Variants in ZNF346 observed in about 807,000 individuals in gnomAD.
ZNF346 encodes double-stranded RNA-binding zinc finger protein JAZ.
A neutral mutation model predicts 33.7 loss-of-function variants in ZNF346; 23 were observed. The ratio of observed to expected loss-of-function variants is 0.68; its 90% CI spans 0.49 to 0.97. ZNF346 has a LOEUF of 0.97. Among genes scored for constraint, ZNF346 ranks in the 50% least tolerant of loss-of-function variants. ZNF346 has a pLI of 0.00. For missense variants in ZNF346, 340 were observed against 371.1 expected, an observed-to-expected ratio of 0.92 and a Z score of 0.69; for synonymous variants, 134 against 142.4, an observed-to-expected ratio of 0.94 and a Z score of 0.42.
intron 1 of ZNF346, among the ~76,000 whole-genome samples, chr5:177,026,727 A>C (rs1776837325): frequency 6.6e-6 from 1 of 152,198 alleles, no homozygotes; most frequent in African/African-American, 2.4e-5. Flanking sequence ...TAACACACAA[A>C]ATATGATTTG....
intron 3 of ZNF346, 87 bp downstream of exon 3, chr5:177,041,957 C>A: frequency 1.3e-6 from 1 of 785,922 alleles, no homozygotes; most frequent in Non-Finnish European, 2.1e-6. Context: ...ACTGTCTTGG[C>A]TTCAAATCCT....
At chr5:177,031,140 A>G (rs1272232742) in intron 1 of ZNF346, among the ~76,000 whole-genome samples, 2 of 152,054 alleles carry the variant, frequency 1.3e-5, no homozygotes, top group African/African-American at 4.8e-5. Flanking sequence ...GGTTCACGCC[A>G]TTCTCCTGCC....
chr5:177,064,521 A>C lies in ZNF346; in HGVS notation c.807A>C (p.Lys269Asn). 1 of 1,614,188 alleles carries C rather than the reference A, an allele frequency of 6.2e-7. No homozygotes were observed. Among genetic ancestry groups the C allele is most frequent in the African/African-American group, 1.3e-5 (1 of 75,066 alleles). Residue 269 changes from lysine (K) to asparagine (N), a missense_variant, in exon 7 of 7, where the codon AAA becomes AAC. Lys to Asn is a moderately conservative substitution (Grantham distance 94, BLOSUM62 0). Coordinates refer to ENST00000358149, the MANE Select transcript of ZNF346 (RefSeq NM_012279.4). Reference protein sequence around the residue: ...SGFKHKNQSPKTVASSLGQIP... With the variant: ...SGFKHKNQSPNTVASSLGQIP... ...TCCTTCTCAAATACAGGTCACCAAAAACAGTGGCATCATCCCTGGGCCAGA... is the reference window on the plus strand; with the variant it reads ...TCCTTCTCAAATACAGGTCACCAAACACAGTGGCATCATCCCTGGGCCAGA...
chr5:177,027,148 G>A (rs1313915278), intron 1 of ZNF346, among the ~76,000 whole-genome samples: 1 of 151,668 alleles, frequency 6.6e-6, no homozygotes, highest in African/African-American at 2.4e-5. Context: ...TGCCTCCCGG[G>A]TTCAAGCGAT....
chr5:177,061,235 A>G (rs1276265408), intron 5 of ZNF346, among the ~76,000 whole-genome samples: 3 of 152,126 alleles, frequency 2.0e-5, no homozygotes. Flanking sequence ...TCATGAGGTC[A>G]AGAGAGAGAG....
intron 5 of ZNF346, among the ~76,000 whole-genome samples, chr5:177,054,023 C>T (rs1390705916): frequency 2.0e-5 from 3 of 151,896 alleles, no homozygotes; most frequent in African/African-American, 7.3e-5. Context: ...TTTCATCATG[C>T]TACTCAGAAT....
chr5:177,028,496 T>TTATA (rs150044807), intron 1 of ZNF346, among the ~76,000 whole-genome samples: 15,388 of 90,408 alleles, frequency 0.17, 1,773 homozygotes, highest in East Asian at 0.22. Flanking sequence ...TTGTGACGTT[T>TTATA]TATATATATA....
At chr5:177,057,777 A>G (rs1466930502) in intron 5 of ZNF346, among the ~76,000 whole-genome samples, 4 of 149,588 alleles carry the variant, frequency 2.7e-5, no homozygotes, top group South Asian at 2.1e-4. Context: ...CTACACCTTC[A>G]CTCTGAGGTC....
Position 177,050,743 on chromosome 5 carries a change from C to T in ZNF346, c.518-8C>T. ...TTACAAATCCTTTCCTTGTGGCCTCCACCTTAGCCTTGCACCAGAATAGAG... is the reference window on the plus strand; with the variant it reads ...TTACAAATCCTTTCCTTGTGGCCTCTACCTTAGCCTTGCACCAGAATAGAG... On this transcript the variant is annotated splice_region_variant and splice_polypyrimidine_tract_variant and intron_variant, in intron 4 of 6. Transcript: ENST00000358149. 6.2e-7 allele frequency: 1 copy of T among 1,614,184 alleles called. No individual in the cohort carries two copies. Among genetic ancestry groups the T allele is most frequent in the South Asian group, 1.1e-5 (1 of 91,090 alleles).
At chr5:177,053,114 G>A (rs1024255211) in intron 5 of ZNF346, among the ~76,000 whole-genome samples, 2 of 151,752 alleles carry the variant, frequency 1.3e-5, no homozygotes, top group East Asian at 1.9e-4. Context: ...TCAAGAGGGC[G>A]AGACCATCCT....
intron 4 of ZNF346, among the ~76,000 whole-genome samples, chr5:177,047,946 T>TATATGTTTG (rs1394839506): frequency 2.6e-5 from 4 of 152,198 alleles, no homozygotes; most frequent in Non-Finnish European, 5.9e-5. Context: ...GCCATACAAT[T>TATATGTTTG]GCCTTCTATA....
chr5:177,073,656 G>A (rs576463456), intron 8 of ZNF346, among the ~76,000 whole-genome samples: 1 of 152,308 alleles, frequency 6.6e-6, no homozygotes, highest in East Asian at 1.9e-4. Context: ...GGTCAAAGGA[G>A]CCAGGTTGCT....
In ZNF346 at chr5:177,041,186, G is replaced by C. The variant is rs1457719476; in HGVS notation, c.236G>C (p.Cys79Ser). The C allele has an allele frequency of 6.2e-7, 1 of 1,614,200 alleles. No individual in the cohort carries two copies. The highest frequency in any genetic ancestry group is 2.2e-5 in the East Asian group (1 of 44,886). The change falls in exon 2 of 7, where the codon TGC becomes TCC. Residue 79 changes from cysteine (C) to serine (S), a missense_variant. Coordinates refer to ENST00000358149, the MANE Select transcript of ZNF346 (RefSeq NM_012279.4). The part of the protein sequence containing the change: ...LFTNTQCKVC[C>S]ALLISESQKL... ...ACCAACACCCAGTGTAAGGTTTGCT[G>C]CGCCTTGCTTATTTCTGAGTCCCAG...
intron 6 of ZNF346, among the ~76,000 whole-genome samples, chr5:177,062,573 T>C (rs980713280): frequency 1.3e-5 from 2 of 150,892 alleles, no homozygotes; most frequent in Admixed American, 1.3e-4. Flanking sequence ...TTCTGAATGA[T>C]GGCCAAGACA....
chr5:177,078,880 G>T (rs913848862), intron 8 of ZNF346, among the ~76,000 whole-genome samples: 2 of 152,094 alleles, frequency 1.3e-5, no homozygotes, highest in African/African-American at 4.8e-5. Flanking sequence ...CTGCACTCCA[G>T]CCTGGGCATG....
At chr5:177,031,569 G>A (rs1777705581) in intron 1 of ZNF346, among the ~76,000 whole-genome samples, 1 of 152,072 alleles carries the variant, frequency 6.6e-6, no homozygotes, top group Non-Finnish European at 1.5e-5. Context: ...GATGTGTCTA[G>A]GTGTAGCTCT....
chr5:177,023,612 G>T (rs761272800), intron 1 of ZNF346, among the ~76,000 whole-genome samples: 2 of 152,166 alleles, frequency 1.3e-5, no homozygotes, highest in African/African-American at 2.4e-5. Flanking sequence ...CTCTGCACTT[G>T]ACCTGAGACT....
chr5:177,028,408 A>G (rs1777132558), intron 1 of ZNF346, among the ~76,000 whole-genome samples: 1 of 148,418 alleles, frequency 6.7e-6, no homozygotes, highest in African/African-American at 2.5e-5. Context: ...GTAAGATCTT[A>G]TGTTGCTGAT....
At chr5:177,057,828 A>ATTTG (rs1341836675) in intron 5 of ZNF346, among the ~76,000 whole-genome samples, 3 of 149,190 alleles carry the variant, frequency 2.0e-5, no homozygotes, top group Non-Finnish European at 4.4e-5. Flanking sequence ...TTATTTATTT[A>ATTTG]TTTATTTATT....
Sources: allele counts gnomAD v4.1 joint callset (sites outside exome capture counted in the v4.1 genomes callset), GRCh38; gene constraint gnomAD v4.1.1; transcripts MANE v1.5; gene names NCBI Gene and HGNC (gene_info 2026-07-23, HGNC 2026-07-21).